The following PRR16 variants were observed in gnomAD, a reference collection of about 807,000 sequenced individuals.
The protein encoded by PRR16 is protein Largen.
PRR16 carries 6 observed loss-of-function variants against 18.2 expected under a neutral mutation model. That is an observed-to-expected ratio of 0.33 (90% CI 0.18 to 0.65). The LOEUF (loss-of-function observed/expected upper bound fraction) is 0.65. PRR16 is among the 30% of genes least tolerant of loss of function. PRR16 has a pLI of 0.74. For missense variants in PRR16, 412 were observed against 376.6 expected, an observed-to-expected ratio of 1.09 and a Z score of -0.78; for synonymous variants, 151 against 147.8, an observed-to-expected ratio of 1.02 and a Z score of -0.16.
chr5:120,744,243 A>G, the PRR16 span, among the ~76,000 whole-genome samples: 1 of 152,164 alleles, frequency 6.6e-6, no homozygotes, highest in African/African-American at 2.4e-5. Context: ...CTGGCAGGGT[A>G]GGTTTTGTTG....
At chr5:120,777,175 A>G in the PRR16 span, among the ~76,000 whole-genome samples, 1 of 152,106 alleles carries the variant, frequency 6.6e-6, no homozygotes, top group Non-Finnish European at 1.5e-5. Flanking sequence ...AATTTTTAAC[A>G]TATCATCAAG....
At chr5:120,794,288 G>A in the PRR16 span, among the ~76,000 whole-genome samples, 1 of 152,072 alleles carries the variant, frequency 6.6e-6, no homozygotes, top group African/African-American at 2.4e-5. Flanking sequence ...GCTTTGCTTT[G>A]TTGTGCTTCA....
At chr5:120,596,537 T>C (rs1201939990) in intron 1 of PRR16, among the ~76,000 whole-genome samples, 1 of 151,708 alleles carries the variant, frequency 6.6e-6, no homozygotes, top group African/African-American at 2.4e-5. Context: ...ATGTCAACCA[T>C]ATGAAAAGTG....
chr5:120,532,274 T>C (rs1263342727), intron 1 of PRR16, among the ~76,000 whole-genome samples: 1 of 152,092 alleles, frequency 6.6e-6, no homozygotes, highest in Non-Finnish European at 1.5e-5. Flanking sequence ...TATTTATTAC[T>C]TATATATAGT....
At chr5:120,708,728 A>G in the PRR16 span, among the ~76,000 whole-genome samples, 2 of 152,166 alleles carry the variant, frequency 1.3e-5, no homozygotes, top group African/African-American at 4.8e-5. Context: ...GACCAGAATT[A>G]AACTAAGTTT....
intron 1 of PRR16, among the ~76,000 whole-genome samples, chr5:120,588,775 T>G (rs1380556389): frequency 6.6e-6 from 1 of 152,158 alleles, no homozygotes; most frequent in Non-Finnish European, 1.5e-5. Flanking sequence ...CATCATTGAA[T>G]GTAGAGCACA....
intron 1 of PRR16, among the ~76,000 whole-genome samples, chr5:120,627,659 A>G (rs1040674414): frequency 1.3e-5 from 2 of 152,084 alleles, no homozygotes; most frequent in Non-Finnish European, 2.9e-5. Flanking sequence ...TTATTTAACT[A>G]TTGTGCTGGC....
rs150748617 is a variant in PRR16, at chr5:120,608,583, G to A, written c.160-77371G>A. 3.5e-3 allele frequency among the ~76,000 whole-genome samples: 530 copies of A among 152,212 alleles called. 4 individuals carry two copies. Among genetic ancestry groups the A allele is most frequent in the Non-Finnish European group, 5.7e-3 (385 of 67,992 alleles). ...TTAGCAGTTAGAAAAAAAGGCTAGA[G>A]TTCTTATTTGTGACTTAATATACCA... is the stretch of plus-strand genomic sequence containing the variant. On this transcript the variant is annotated intron_variant, in intron 1 of 1. Transcript: ENST00000407149.
At chr5:120,490,679 G>C (rs1296862589) in intron 1 of PRR16, among the ~76,000 whole-genome samples, 1 of 152,196 alleles carries the variant, frequency 6.6e-6, no homozygotes, top group Non-Finnish European at 1.5e-5. Flanking sequence ...GTGCAGCTTT[G>C]TTCCGTTGCT....
chr5:120,656,235 C>T (rs1214323576), intron 1 of PRR16, among the ~76,000 whole-genome samples: 2 of 151,882 alleles, frequency 1.3e-5, no homozygotes, highest in Non-Finnish European at 2.9e-5. Context: ...AGTACACTAT[C>T]TTCAGGCAAT....
At chr5:120,672,654 A>C (rs557867861) in intron 1 of PRR16, among the ~76,000 whole-genome samples, 8 of 151,844 alleles carry the variant, frequency 5.3e-5, no homozygotes, top group Middle Eastern at 3.4e-3. Flanking sequence ...GATACAGCAT[A>C]CTCTTATTCT....
chr5:120,791,620 TATCC>T, the PRR16 span, among the ~76,000 whole-genome samples: 4 of 136,396 alleles, frequency 2.9e-5, no homozygotes, highest in South Asian at 4.6e-4. Context: ...TCTATCTATC[TATCC>T]ATCCATCTAT....
intron 1 of PRR16, among the ~76,000 whole-genome samples, chr5:120,609,203 T>G (rs1267646320): frequency 6.6e-6 from 1 of 152,084 alleles, no homozygotes; most frequent in Non-Finnish European, 1.5e-5. Context: ...TATGGTTAGA[T>G]ATATATAAGT....
intron 1 of PRR16, among the ~76,000 whole-genome samples, chr5:120,629,784 A>C (rs953069799): frequency 7.2e-5 from 11 of 152,006 alleles, no homozygotes; most frequent in Non-Finnish European, 1.6e-4. Flanking sequence ...TTCATTTTAG[A>C]TTATGACTTA....
chr5:120,565,826 T>C (rs956458154), intron 1 of PRR16, among the ~76,000 whole-genome samples: 14 of 152,228 alleles, frequency 9.2e-5, no homozygotes, highest in Non-Finnish European at 1.9e-4. Context: ...TTGGACTTAC[T>C]ATAATTGCAA....
At position 120,549,621 on chromosome 5, in the gene PRR16, C is replaced by T. The variant is rs148803961; in HGVS notation, c.159+84976C>T. On this transcript the variant is annotated intron_variant, in intron 1 of 1. Coordinates refer to ENST00000407149, the MANE Select transcript of PRR16 (RefSeq NM_001300783.2). ...CAGGCCTCCTTTCTTTCCTTCAGAA[C>T]ATCTTATAATTTAGGAGCTAAACAT... 9.0e-4 allele frequency among the ~76,000 whole-genome samples: 137 copies of T among 152,024 alleles called. 1 individual carries two copies. Among genetic ancestry groups the T allele is most frequent in the Middle Eastern group, 3.4e-3 (1 of 294 alleles).
intron 1 of PRR16, among the ~76,000 whole-genome samples, chr5:120,679,693 GT>G (rs1756912056): frequency 6.6e-6 from 1 of 151,988 alleles, no homozygotes; most frequent in Non-Finnish European, 1.5e-5. Flanking sequence ...AAACCCTGCC[GT>G]TTGCCACACA....
At chr5:120,535,875 A>G (rs1050241425) in intron 1 of PRR16, among the ~76,000 whole-genome samples, 30 of 152,132 alleles carry the variant, frequency 2.0e-4, no homozygotes, top group African/African-American at 7.0e-4. Context: ...GGCCGAGACA[A>G]GAGGATGTCT....
chr5:120,605,552 T>C (rs1203051453), intron 1 of PRR16, among the ~76,000 whole-genome samples: 1 of 152,232 alleles, frequency 6.6e-6, no homozygotes, highest in African/African-American at 2.4e-5. Context: ...GAATCATTGC[T>C]GCACAGCTAG....
Sources: allele counts gnomAD v4.1 joint callset (sites outside exome capture counted in the v4.1 genomes callset), GRCh38; gene constraint gnomAD v4.1.1; transcripts MANE v1.5; gene names NCBI Gene and HGNC (gene_info 2026-07-23, HGNC 2026-07-21).